GALNTL6: variants seen among roughly 807,000 people sequenced by gnomAD.
GALNTL6 encodes polypeptide N-acetylgalactosaminyltransferase-like 6.
GALNTL6 carries 46 observed loss-of-function variants against 73.7 expected under a neutral mutation model. The observed-to-expected ratio is 0.62, with a 90% CI of 0.49 to 0.80. GALNTL6 has a LOEUF of 0.80. Among genes scored for constraint, GALNTL6 ranks in the 30% least tolerant of loss-of-function variants. The pLI, the probability that GALNTL6 is intolerant of heterozygous loss-of-function variation, is 0.00. For missense variants in GALNTL6, 604 were observed against 755.0 expected, an observed-to-expected ratio of 0.80 and a Z score of 2.34; for synonymous variants, 259 against 263.7, an observed-to-expected ratio of 0.98 and a Z score of 0.17.
chr4:172,212,777 C>T (rs1736368699), intron 2 of GALNTL6, among the ~76,000 whole-genome samples: 1 of 152,122 alleles, frequency 6.6e-6, no homozygotes, highest in Admixed American at 6.5e-5. Context: ...AAGCGATTCT[C>T]CTGCCTCAGC....
intron 5 of GALNTL6, among the ~76,000 whole-genome samples, chr4:172,437,530 A>G (rs764685191): frequency 2.0e-5 from 3 of 152,146 alleles, no homozygotes; most frequent in Admixed American, 2.0e-4. Context: ...AAATGATTCT[A>G]TGCTTCCCTT....
At chr4:172,342,610 T>A (rs1741608059) in intron 4 of GALNTL6, among the ~76,000 whole-genome samples, 1 of 152,256 alleles carries the variant, frequency 6.6e-6, no homozygotes, top group African/African-American at 2.4e-5. Flanking sequence ...TCTGTTGTCA[T>A]GCTTCTATGG....
At chr4:172,919,456 C>A (rs1747687300) in intron 8 of GALNTL6, among the ~76,000 whole-genome samples, 1 of 152,134 alleles carries the variant, frequency 6.6e-6, no homozygotes, top group Admixed American at 6.5e-5. Context: ...GATGAAACCT[C>A]AGAGAAGGAC....
intron 5 of GALNTL6, among the ~76,000 whole-genome samples, chr4:172,714,214 G>A (rs1302243557): frequency 6.6e-6 from 1 of 152,038 alleles, no homozygotes; most frequent in African/African-American, 2.4e-5. Flanking sequence ...AATGAACAAG[G>A]ACAGCTTGGA....
chr4:172,694,487 AT>A (rs1315013115), intron 5 of GALNTL6, among the ~76,000 whole-genome samples: 1 of 152,144 alleles, frequency 6.6e-6, no homozygotes, highest in Admixed American at 6.5e-5. Flanking sequence ...ATTCTTTTTT[AT>A]GGCTGCATAG....
chr4:171,991,755 T>TATATATAC (rs371828556), intron 2 of GALNTL6, among the ~76,000 whole-genome samples: 18 of 140,698 alleles, frequency 1.3e-4, no homozygotes, highest in Middle Eastern at 3.8e-3. Context: ...TATATATATA[T>TATATATAC]ACACATATAT....
chr4:172,002,585 T>C lies in GALNTL6; in HGVS notation c.138+187867T>C, dbSNP rs993639751. On this transcript the variant is annotated intron_variant, in intron 2 of 12. Transcript: ENST00000506823. ...ACTATATTTGAGTTCTACTAAGTAT[T>C]AACATTTCACTAATCTCTTTTGTCT... is the stretch of plus-strand genomic sequence containing the variant. Among the ~76,000 whole-genome samples, 16 of 152,202 alleles carry C rather than the reference T, an allele frequency of 1.1e-4. 1 individual carries two copies. Among genetic ancestry groups the C allele is most frequent in the Admixed American group, 4.6e-4 (7 of 15,256 alleles).
intron 2 of GALNTL6, among the ~76,000 whole-genome samples, chr4:172,220,484 A>G (rs1374251968): frequency 1.3e-5 from 2 of 151,790 alleles, no homozygotes; most frequent in Non-Finnish European, 3.0e-5. Context: ...TATGGTATAA[A>G]TATCCCCTTC....
chr4:172,159,509 G>A (rs1325374518), intron 2 of GALNTL6, among the ~76,000 whole-genome samples: 1 of 152,146 alleles, frequency 6.6e-6, no homozygotes, highest in African/African-American at 2.4e-5. Context: ...TGATGCTTAA[G>A]CTGACATTTC....
At chr4:172,481,785 C>A (rs1018188714) in intron 5 of GALNTL6, among the ~76,000 whole-genome samples, 7 of 152,234 alleles carry the variant, frequency 4.6e-5, no homozygotes, top group African/African-American at 1.7e-4. Context: ...CATAAAAGTT[C>A]TCCAAGTCCC....
At chr4:172,182,215 C>T (rs1579224159) in intron 2 of GALNTL6, among the ~76,000 whole-genome samples, 1 of 152,228 alleles carries the variant, frequency 6.6e-6, no homozygotes. Flanking sequence ...ATGTGAAAGA[C>T]CTCTTCATGG....
intron 3 of GALNTL6, among the ~76,000 whole-genome samples, chr4:172,239,376 T>G (rs758097074): frequency 2.6e-5 from 4 of 152,342 alleles, no homozygotes; most frequent in Admixed American, 1.3e-4. Context: ...CTAACTTGTG[T>G]GCATAGAGGT....
intron 5 of GALNTL6, among the ~76,000 whole-genome samples, chr4:172,392,599 G>T (rs1292526884): frequency 6.6e-6 from 1 of 152,026 alleles, no homozygotes; most frequent in East Asian, 1.9e-4. Flanking sequence ...AGGAAGAGTT[G>T]CTCTGGCTGA....
At chr4:172,905,689 AC>A (rs1746845620) in intron 8 of GALNTL6, among the ~76,000 whole-genome samples, 1 of 152,006 alleles carries the variant, frequency 6.6e-6, no homozygotes, top group East Asian at 1.9e-4. Flanking sequence ...AAGTTTCCCT[AC>A]ATGGTACATA....
chr4:171,908,001 G>A (rs1329862591), intron 2 of GALNTL6, among the ~76,000 whole-genome samples: 1 of 151,696 alleles, frequency 6.6e-6, no homozygotes, highest in Admixed American at 6.6e-5. Flanking sequence ...AATTCAAGAT[G>A]GATTAAAGAC....
chr4:172,577,783 G>T (rs936985838), intron 5 of GALNTL6, among the ~76,000 whole-genome samples: 3 of 152,154 alleles, frequency 2.0e-5, no homozygotes, highest in African/African-American at 7.2e-5. Context: ...TGTCATTCAT[G>T]ATTTCACCCA....
chr4:172,487,899 G>C (rs1733755896), intron 5 of GALNTL6, among the ~76,000 whole-genome samples: 1 of 152,110 alleles, frequency 6.6e-6, no homozygotes, highest in Non-Finnish European at 1.5e-5. Flanking sequence ...TGGAGAATTA[G>C]GTGCTACCAT....
chr4:172,461,051 G>A (rs1434521457), intron 5 of GALNTL6, among the ~76,000 whole-genome samples: 3 of 152,134 alleles, frequency 2.0e-5, no homozygotes, highest in Non-Finnish European at 4.4e-5. Flanking sequence ...AAAATGATGA[G>A]TTCATGTCCT....
At position 172,308,003 on chromosome 4, in the gene GALNTL6, C is replaced by CTTTTTTTTTTTT. The variant is rs70941399; in HGVS notation, c.248-3592_248-3581dup. On this transcript the variant is annotated intron_variant, in intron 3 of 12. Transcript: ENST00000506823. ...TCCATGAGCATGGGATGTGTTTTAA[C>CTTTTTTTTTTTT]TTTTTTTTTTTTTTTTTTTTTTTTT... 2.3e-4 allele frequency among the ~76,000 whole-genome samples: 8 copies of CTTTTTTTTTTTT among 34,586 alleles called. 2 individuals are homozygous for CTTTTTTTTTTTT. Among genetic ancestry groups the CTTTTTTTTTTTT allele is most frequent in the African/African-American group, 4.1e-4 (4 of 9,714 alleles). 22.7% of individuals were successfully genotyped at this position (34,586 alleles called of 152,430 possible). A position where few individuals can be genotyped will look rare whatever the true frequency, so the allele number is the denominator to read the frequency against.
Sources: allele counts gnomAD v4.1 joint callset (sites outside exome capture counted in the v4.1 genomes callset), GRCh38; gene constraint gnomAD v4.1.1; transcripts MANE v1.5; gene names NCBI Gene and HGNC (gene_info 2026-07-23, HGNC 2026-07-21).